GRK5: variants seen among roughly 807,000 people sequenced by gnomAD.
GRK5 encodes g protein-coupled receptor kinase GRK5.
GRK5 carries 40 observed loss-of-function variants against 78.4 expected under a neutral mutation model. The observed-to-expected ratio is 0.51, with a 90% confidence interval of 0.40 to 0.66. The LOEUF is 0.66. Among genes scored for constraint, GRK5 ranks in the 30% least tolerant of loss-of-function variants. The pLI, the probability that GRK5 is intolerant of heterozygous loss-of-function variation, is 0.00. For missense variants in GRK5, 598 were observed against 759.9 expected, an observed-to-expected ratio of 0.79 and a Z score of 2.50; for synonymous variants, 289 against 296.8, an observed-to-expected ratio of 0.97 and a Z score of 0.27.
chr10:119,243,968 G>A (rs145287350), intron 1 of GRK5, among the ~76,000 whole-genome samples: 106 of 152,316 alleles, frequency 7.0e-4, no homozygotes, highest in African/African-American at 2.5e-3. Context: ...TTTCTGTCAC[G>A]TTATGATTGG....
intron 4 of GRK5, among the ~76,000 whole-genome samples, chr10:119,413,199 C>G (rs1317390829): frequency 6.6e-6 from 1 of 151,962 alleles, no homozygotes; most frequent in Non-Finnish European, 1.5e-5. Context: ...CCCCACCCAG[C>G]AACCCTATCC....
At chr10:119,321,887 C>T (rs1302282899) in intron 1 of GRK5, among the ~76,000 whole-genome samples, 1 of 152,122 alleles carries the variant, frequency 6.6e-6, no homozygotes, top group Non-Finnish European at 1.5e-5. Context: ...ACAGCTGCCC[C>T]ATCACTAACA....
intron 3 of GRK5, among the ~76,000 whole-genome samples, chr10:119,383,976 A>G (rs970009878): frequency 2.0e-5 from 3 of 152,182 alleles, no homozygotes; most frequent in African/African-American, 7.2e-5. Flanking sequence ...TTGGGAAGTA[A>G]TGACATCTAG....
rs56407821 is a variant in GRK5 at position 119,260,372 on chromosome 10, C to CTT, written c.52+52421_52+52422dup. Among the ~76,000 whole-genome samples the CTT allele has an allele frequency of 9.0e-3, 917 of 101,398 alleles. 23 individuals are homozygous for CTT. The highest frequency in any genetic ancestry group is 0.032 in the African/African-American group (792 of 24,922). 66.5% of individuals were successfully genotyped at this position (101,398 alleles called of 152,430 possible). On this transcript the variant is annotated intron_variant, in intron 1 of 15. Coordinates refer to ENST00000392870, the MANE Select transcript of GRK5 (RefSeq NM_005308.3). ...AATCTTTAACATATTTAACCGTCTGCTTTTTTTTTTTTTTTTTTTAATTCA... is the reference window on the plus strand; with the variant it reads ...AATCTTTAACATATTTAACCGTCTGCTTTTTTTTTTTTTTTTTTTTTAATTCA...
intron 6 of GRK5, among the ~76,000 whole-genome samples, chr10:119,427,102 CATCACTGCTATCATCAGT>C (rs1460163342): frequency 6.6e-6 from 1 of 152,104 alleles, no homozygotes; most frequent in Non-Finnish European, 1.5e-5. Context: ...CCATCATCAG[CATCACTGCTATCATCAGT>C]ATCACTGCCA....
chr10:119,307,066 GATA>G (rs1374809128), intron 1 of GRK5, among the ~76,000 whole-genome samples: 1 of 152,120 alleles, frequency 6.6e-6, no homozygotes, highest in African/African-American at 2.4e-5. Context: ...GAGAGTAGGG[GATA>G]ATTGCAGCCC....
chr10:119,439,573 A>G (rs1315538869), intron 9 of GRK5, among the ~76,000 whole-genome samples, 158 bp from the exon 10 acceptor site: 3 of 152,230 alleles, frequency 2.0e-5, no homozygotes, highest in Non-Finnish European at 4.4e-5. Flanking sequence ...TTAGCTGAAG[A>G]TCATTTTGAC....
chr10:119,326,578 A>G lies in GRK5; in HGVS notation c.115A>G (p.Ile39Val), dbSNP rs576302427. 49 of 1,614,184 alleles carry G rather than the reference A, an allele frequency of 3.0e-5. 1 individual carries two copies. The South Asian group carries it at 5.3e-4, about 17-fold the overall frequency. ...KWKEILKFPH[I>V]SQCEDLRRTI... ...GAAAGAAATCCTGAAGTTCCCTCAC[A>G]TTAGCCAGTGTGAAGACCTCCGAAG... Residue 39 changes from isoleucine (I) to valine (V), a missense_variant, in exon 2 of 16, where the codon ATT (isoleucine) becomes GTT (valine). Ile to Val is a conservative substitution (Grantham distance 29, BLOSUM62 3). Coordinates refer to ENST00000392870, the MANE Select transcript of GRK5 (RefSeq NM_005308.3).
intron 2 of GRK5, among the ~76,000 whole-genome samples, chr10:119,367,162 T>C (rs922863669): frequency 1.7e-4 from 26 of 152,200 alleles, no homozygotes; most frequent in African/African-American, 6.3e-4. Context: ...CCAAAGCTCA[T>C]GTCTTTCTGA....
At chr10:119,211,304 G>T (rs1848482576) in intron 1 of GRK5, among the ~76,000 whole-genome samples, 1 of 152,198 alleles carries the variant, frequency 6.6e-6, no homozygotes, top group Admixed American at 6.5e-5. Flanking sequence ...AGCATTTCAT[G>T]AAAAAGAGGC....
chr10:119,311,931 T>A (rs1314438674), intron 1 of GRK5, among the ~76,000 whole-genome samples: 2 of 151,224 alleles, frequency 1.3e-5, no homozygotes, highest in Non-Finnish European at 3.0e-5. Context: ...TTTTTTTTTT[T>A]TTGAGACGGA....
intron 3 of GRK5, among the ~76,000 whole-genome samples, chr10:119,392,862 GGCT>G (rs1851907616): frequency 6.6e-6 from 1 of 152,166 alleles, no homozygotes; most frequent in African/African-American, 2.4e-5. Flanking sequence ...TGAAATCATT[GGCT>G]GCTATTTCCC....
chr10:119,310,901 G>C (rs1026866810), intron 1 of GRK5, among the ~76,000 whole-genome samples: 9 of 152,134 alleles, frequency 5.9e-5, no homozygotes, highest in Non-Finnish European at 1.0e-4. Flanking sequence ...GGACAGAAGA[G>C]TCAGCAGCCC....
At chr10:119,347,950 C>A (rs1026818040) in intron 2 of GRK5, among the ~76,000 whole-genome samples, 4 of 152,234 alleles carry the variant, frequency 2.6e-5, no homozygotes, top group Non-Finnish European at 4.4e-5. Context: ...GACCACCCCC[C>A]AACCTTTCCT....
At chr10:119,370,301 A>G (rs940265688) in intron 2 of GRK5, among the ~76,000 whole-genome samples, 6 of 152,162 alleles carry the variant, frequency 3.9e-5, no homozygotes, top group African/African-American at 1.4e-4. Flanking sequence ...GTGGTTTCAC[A>G]TGTGGCTTCT....
chr10:119,312,383 G>A (rs955200904), intron 1 of GRK5, among the ~76,000 whole-genome samples: 1 of 152,232 alleles, frequency 6.6e-6, no homozygotes, highest in Non-Finnish European at 1.5e-5. Context: ...AGGAGCAGGA[G>A]GAGGGTTCCA....
intron 2 of GRK5, among the ~76,000 whole-genome samples, chr10:119,353,897 C>T (rs1230337157): frequency 6.6e-6 from 1 of 150,640 alleles, no homozygotes; most frequent in Non-Finnish European, 1.5e-5. Flanking sequence ...AACAAAATGG[C>T]AGCCACCCCA....
intron 1 of GRK5, among the ~76,000 whole-genome samples, chr10:119,316,984 A>G (rs2420616): frequency 0.69 from 105,614 of 152,084 alleles, 38,256 homozygotes; most frequent in Non-Finnish European, 0.79. Flanking sequence ...AAACTCAGAT[A>G]TGGCTTCAGG....
rs553380475 is a variant in GRK5 at position 119,361,640 on chromosome 10, C to T, written c.149-19175C>T. Among the ~76,000 whole-genome samples the T allele has an allele frequency of 2.3e-4, 35 of 152,124 alleles. 1 individual carries two copies. In the South Asian group the frequency reaches 4.6e-3, roughly 20 times the overall value. On this transcript the variant is annotated intron_variant, in intron 2 of 15. Coordinates refer to ENST00000392870, the MANE Select transcript of GRK5 (RefSeq NM_005308.3). ...TGGCTAGGGGCCTATGCTGGGTGCC[C>T]GGCAGTGGGGGAGGCGCAGAGGGGG... is the stretch of plus-strand genomic sequence containing the variant.
Sources: gnomAD v4.1 joint callset for allele counts (sites outside exome capture counted in the v4.1 genomes callset) on GRCh38, gnomAD v4.1.1 for gene constraint, MANE v1.5 for transcripts, NCBI Gene and HGNC (gene_info 2026-07-23, HGNC 2026-07-21) for gene names.